Variants in PTOV1 observed in about 807,000 individuals in gnomAD.
PTOV1 encodes the protein prostate tumor-overexpressed gene 1 protein.
In PTOV1, 20 loss-of-function variants were observed where a neutral mutation model predicts 58.0. The observed-to-expected ratio is 0.34, with a 90% CI of 0.24 to 0.50. PTOV1 has a LOEUF of 0.50. PTOV1 is among the 20% of genes least tolerant of loss of function. The probability of loss-of-function intolerance (pLI) is 0.98; values close to 1 mark genes in which losing one functional copy is unlikely to be tolerated. For missense variants in PTOV1, 593 were observed against 565.4 expected (o/e 1.05, Z -0.50); for synonymous variants, 335 against 234.2 (o/e 1.43, Z -3.93).
chr19:49,851,589 C>A (rs980592597), intron 1 of PTOV1, 90 bp downstream of exon 1: 6 of 1,025,092 alleles, frequency 5.9e-6, no homozygotes, highest in Admixed American at 4.8e-5. Context: ...CAGCCCCCGC[C>A]GCTCCGGGGT....
chr19:49,854,416 G>T, exon 2 of PTOV1: 1 of 1,610,260 alleles, frequency 6.2e-7, no homozygotes, highest in Non-Finnish European at 8.5e-7. Context: ...GAAGGTGCTC[G>T]GGTCTTCGGG....
At chr19:49,851,994 C>T (rs933691083) in intron 1 of PTOV1, 19 of 985,382 alleles carry the variant, frequency 1.9e-5, no homozygotes, top group Non-Finnish European at 1.8e-5. Flanking sequence ...GAATACGCGC[C>T]CGCGCCCACA....
intron 10 of PTOV1, 100 bp downstream of exon 10, chr19:49,858,753 C>A: frequency 9.9e-7 from 1 of 1,010,758 alleles, no homozygotes; most frequent in Non-Finnish European, 1.5e-6. Flanking sequence ...AGCACCATGT[C>A]CCAGACCAGC....
intron 6 of PTOV1, 165 bp from the exon 7 acceptor site, chr19:49,857,528 G>C: frequency 1.5e-6 from 1 of 688,578 alleles, no homozygotes; most frequent in Non-Finnish European, 2.5e-6. Context: ...GCCATGGGGG[G>C]CTGTGAGCAG....
intron 9 of PTOV1, 130 bp downstream of exon 9, chr19:49,858,244 AGGT>A (rs1329301407): frequency 3.3e-6 from 4 of 1,208,926 alleles, no homozygotes; most frequent in Non-Finnish European, 4.6e-6. Context: ...GTGCTGAAGC[AGGT>A]GTGGTGGGTA....
At position 49,852,152 on chromosome 19, in the gene PTOV1, C is replaced by G. The variant is rs78003812; in HGVS notation, c.171+653C>G. The G allele has an allele frequency of 1.3e-4, 111 of 881,790 alleles. 2 individuals are homozygous for G. The East Asian group carries it at 9.5e-3, about 75-fold the overall frequency. 54.6% of individuals were successfully genotyped at this position (881,790 alleles called of 1,614,324 possible). ...GTAAGGTTTACCTGGGGCTGTAAAA[C>G]CGCACATCGCGACTTTGCACCGTGC... On this transcript the variant is annotated intron_variant, in intron 1 of 11. Transcript: ENST00000391842.
intron 9 of PTOV1, 62 bp downstream of exon 9, chr19:49,858,176 G>A (rs2074566695): frequency 1.9e-6 from 3 of 1,570,794 alleles, no homozygotes; most frequent in East Asian, 2.3e-5. Flanking sequence ...GGGCGGGGCT[G>A]GGGGCAAGAG....
exon 2 of PTOV1, chr19:49,854,525 C>T (rs143215505): frequency 1.7e-5 from 27 of 1,612,930 alleles, no homozygotes; most frequent in South Asian, 8.8e-5. Context: ...CTTGGAGCGG[C>T]GTCCTCGAGT....
chr19:49,857,515 G>A, intron 6 of PTOV1, 178 bp from the exon 7 acceptor site: 1 of 661,416 alleles, frequency 1.5e-6, no homozygotes, highest in East Asian at 2.7e-5. Flanking sequence ...AGGCCACTGG[G>A]GAGCCATGGG....
chr19:49,855,084 G>T lies in PTOV1; in HGVS notation c.558+7G>T. Reference sequence around the variant, plus strand: ...CATCATGGGCAACGGCTTCGTGAGTGGGGCGGGCTCCCTTGTAGCACTGTG... The same window carrying T: ...CATCATGGGCAACGGCTTCGTGAGTTGGGCGGGCTCCCTTGTAGCACTGTG... On this transcript the variant is annotated splice_region_variant and intron_variant, in intron 5 of 11. Coordinates refer to ENST00000391842, the Ensembl canonical transcript of PTOV1. 6.3e-7 allele frequency: 1 copy of T among 1,579,278 alleles called. No homozygotes were observed.
At chr19:49,850,885 G>A, upstream of PTOV1, 2 of 1,535,796 alleles carry the variant, frequency 1.3e-6, no homozygotes, top group Non-Finnish European at 1.7e-6. Flanking sequence ...CTCCGGATGA[G>A]GTCTCCCGCC....
chr19:49,854,336 G>GTGTGTGGGGACTGCC, intron 1 of PTOV1, 70 bp from the exon 2 acceptor site: 14 of 1,546,466 alleles, frequency 9.1e-6, no homozygotes, highest in Non-Finnish European at 9.7e-6. Flanking sequence ...CCCCTCTGGG[G>GTGTGTGGGGACTGCC]TGTGTGGGGA....
At chr19:49,855,148 G>A (rs2074408170) in intron 5 of PTOV1, 71 bp downstream of exon 5, 2 of 1,428,616 alleles carry the variant, frequency 1.4e-6, no homozygotes, top group Admixed American at 2.0e-5. Context: ...TGCTCACACA[G>A]TCCAGGCGGG....
exon 7 of PTOV1, chr19:49,857,764 T>C (rs1289015018): frequency 6.2e-7 from 1 of 1,614,040 alleles, no homozygotes; most frequent in Non-Finnish European, 8.5e-7. Context: ...CATGGAGTGG[T>C]GTCATGGAGT....
upstream of PTOV1, chr19:49,851,126 G>T: frequency 1.5e-6 from 2 of 1,336,032 alleles, no homozygotes; most frequent in Non-Finnish European, 9.5e-7. Flanking sequence ...CCTCGGACGC[G>T]CTTGGTACGC....
In PTOV1 at chr19:49,854,967, C is replaced by G. The variant is rs2074399768; in HGVS notation, c.451-3C>G. The G allele has an allele frequency of 6.2e-7, 1 of 1,600,208 alleles. No individual in the cohort carries two copies. The highest frequency in any genetic ancestry group is 8.5e-7 in the Non-Finnish European group (1 of 1,173,740). On this transcript the variant is annotated splice_polypyrimidine_tract_variant and splice_region_variant and intron_variant, in intron 4 of 11. Coordinates refer to ENST00000391842, the Ensembl canonical transcript of PTOV1. ...ACCCAGCTGTCTGTCCTGTCGCCCCCAGACCACCCTGGGCCCCCTGTTCCG... is the reference window on the plus strand; with the variant it reads ...ACCCAGCTGTCTGTCCTGTCGCCCCGAGACCACCCTGGGCCCCCTGTTCCG...
intron 5 of PTOV1, chr19:49,856,772 C>T (rs2074486837): frequency 6.5e-6 from 4 of 617,360 alleles, no homozygotes; most frequent in Non-Finnish European, 1.1e-5. Context: ...CCACTCTGAC[C>T]TCAGCCATGG....
In PTOV1 at chr19:49,854,617, G is replaced by C. The variant is rs374560183; in HGVS notation, c.310-35G>C. 7.4e-6 allele frequency: 12 copies of C among 1,613,116 alleles called. No homozygotes were observed. In the African/African-American group the frequency reaches 1.2e-4, roughly 16 times the overall value. On this transcript the variant is annotated intron_variant, in intron 2 of 11. Coordinates refer to ENST00000391842, the Ensembl canonical transcript of PTOV1. ...CTGCGGGGACAGGCCAGGGCATCTAGGCTGTGCACAGTGACGCCCCTCCTG... is the reference window on the plus strand; with the variant it reads ...CTGCGGGGACAGGCCAGGGCATCTACGCTGTGCACAGTGACGCCCCTCCTG...
intron 5 of PTOV1, 28 bp downstream of exon 5, chr19:49,855,105 C>T (rs1420193330): frequency 3.2e-6 from 5 of 1,544,894 alleles, no homozygotes; most frequent in Non-Finnish European, 4.4e-6. Context: ...CCTTGTAGCA[C>T]TGTGGTGACA....
Sources: gnomAD v4.1 joint callset for allele counts on GRCh38, gnomAD v4.1.1 for gene constraint, MANE v1.5 for transcripts, NCBI Gene and HGNC (gene_info 2026-07-23, HGNC 2026-07-21) for gene names.